The following AAGAB variants were observed in gnomAD, a reference collection of about 807,000 sequenced individuals.
The protein encoded by AAGAB is alpha and gamma adaptin binding protein, also known as alpha- and gamma-adaptin-binding protein p34.
Under a neutral mutation model 44.1 loss-of-function variants are expected in AAGAB, and 38 were observed. The observed-to-expected ratio is 0.86, with a 90% CI of 0.67 to 1.13. The LOEUF (loss-of-function observed/expected upper bound fraction) is 1.13, where lower values mean the gene tolerates loss of function less well. AAGAB is among the 50% of genes most tolerant of loss of function. AAGAB has a pLI of 0.00. For missense variants in AAGAB, 450 were observed against 373.8 expected (o/e 1.20, Z -1.68); for synonymous variants, 131 against 131.8 (o/e 0.99, Z 0.04).
intron 5 of AAGAB, among the ~76,000 whole-genome samples, chr15:67,228,699 C>T (rs1396404558): frequency 6.6e-6 from 1 of 152,120 alleles, no homozygotes; most frequent in Non-Finnish European, 1.5e-5. Flanking sequence ...GCACTATTCA[C>T]AATAGCAAAG....
intron 5 of AAGAB, among the ~76,000 whole-genome samples, chr15:67,224,646 T>C (rs1481307289): frequency 1.3e-5 from 2 of 150,734 alleles, no homozygotes; most frequent in Non-Finnish European, 3.0e-5. Context: ...AGTGGCGCGA[T>C]CTCAGCTCAC....
At chr15:67,216,990 A>AT (rs1963966476) in intron 5 of AAGAB, among the ~76,000 whole-genome samples, 1 of 151,862 alleles carries the variant, frequency 6.6e-6, no homozygotes, top group South Asian at 2.1e-4. Context: ...CTTATTCCTT[A>AT]TTTTTTTCCT....
intron 8 of AAGAB, among the ~76,000 whole-genome samples, 161 bp from the exon 9 acceptor site, chr15:67,203,758 G>A (rs1156992394): frequency 6.6e-6 from 1 of 152,176 alleles, no homozygotes; most frequent in Non-Finnish European, 1.5e-5. Context: ...TTTCCAGATG[G>A]GAATGATGTG....
chr15:67,216,352 G>C (rs1219644218), intron 5 of AAGAB, among the ~76,000 whole-genome samples: 1 of 137,918 alleles, frequency 7.3e-6, no homozygotes, highest in Non-Finnish European at 1.5e-5. Context: ...TGACGCAGGA[G>C]AACTGCTTGA....
chr15:67,237,947 TAAAGTTATGGGGAAATTATTTAGTCCA>T (rs1227148935), intron 1 of AAGAB, among the ~76,000 whole-genome samples: 5 of 152,174 alleles, frequency 3.3e-5, no homozygotes, highest in African/African-American at 4.8e-5. Context: ...TTGCTCAACA[TAAAGTTATGGGGAAATTATTTAGTCCA>T]AAAGACTGCT....
chr15:67,254,386 C>T, intron 1 of AAGAB, 173 bp downstream of exon 1: 2 of 1,400,124 alleles, frequency 1.4e-6, no homozygotes, highest in Non-Finnish European at 1.9e-6. Context: ...GGCAGAAAAG[C>T]ACGAGATTAA....
At chr15:67,237,401 C>T (rs1448970785) in intron 1 of AAGAB, among the ~76,000 whole-genome samples, 1 of 152,164 alleles carries the variant, frequency 6.6e-6, no homozygotes, top group Non-Finnish European at 1.5e-5. Flanking sequence ...CTTTGAAAGC[C>T]AACCTAAATT....
intron 1 of AAGAB, among the ~76,000 whole-genome samples, chr15:67,246,199 G>A (rs180821809): frequency 2.6e-5 from 4 of 152,172 alleles, no homozygotes; most frequent in East Asian, 3.9e-4. Context: ...TGAGCAACAC[G>A]GCAAAACCCC....
intron 5 of AAGAB, among the ~76,000 whole-genome samples, chr15:67,219,434 T>G (rs972799647): frequency 1.3e-5 from 2 of 152,036 alleles, no homozygotes; most frequent in Non-Finnish European, 2.9e-5. Flanking sequence ...AACGGTGGAT[T>G]AGACAAAGAA....
rs986400330 is a variant in AAGAB at position 67,202,358 on chromosome 15, C to T, written c.*463G>A. On this transcript the variant is annotated 3_prime_UTR_variant, in exon 10 of 10. Transcript: ENST00000261880. ...CAATTCTGCAGCTGCCTCCTTTCCT[C>T]CCAATAAAAGCATCATAGCTCAGAG... is the stretch of plus-strand genomic sequence containing the variant. The T allele has an allele frequency of 6.4e-6, 1 of 156,822 alleles. No individual in the cohort carries two copies. The highest frequency in any genetic ancestry group is 6.2e-5 in the Admixed American group (1 of 16,116). The allele number at this position is 156,822 out of a possible 1,614,324, so 9.7% of individuals were successfully genotyped here.
At chr15:67,250,324 G>A (rs953064644) in intron 1 of AAGAB, among the ~76,000 whole-genome samples, 2 of 152,032 alleles carry the variant, frequency 1.3e-5, no homozygotes, top group Non-Finnish European at 2.9e-5. Context: ...TTATAGGCAC[G>A]CACCACCGTG....
chr15:67,205,080 G>C (rs1393476688), intron 7 of AAGAB, among the ~76,000 whole-genome samples: 1 of 152,194 alleles, frequency 6.6e-6, no homozygotes, highest in African/African-American at 2.4e-5. Flanking sequence ...TTATTTTACA[G>C]AAGAGGAAAC....
chr15:67,202,628 C>T lies in AAGAB; in HGVS notation c.*193G>A. Reference sequence around the variant, plus strand: ...CATTACTATCACTGTATTCCTCACTCTCTTACAATATACTGAGGAAAAAAA... The same window carrying T: ...CATTACTATCACTGTATTCCTCACTTTCTTACAATATACTGAGGAAAAAAA... On this transcript the variant is annotated 3_prime_UTR_variant, in exon 10 of 10. Coordinates refer to ENST00000261880, the MANE Select transcript of AAGAB (RefSeq NM_024666.5). 1 of 586,680 alleles carries T rather than the reference C, an allele frequency of 1.7e-6. No homozygotes were observed. The highest frequency in any genetic ancestry group is 3.1e-6 in the Non-Finnish European group (1 of 327,296). 36.3% of individuals were successfully genotyped at this position (586,680 alleles called of 1,614,324 possible).
At chr15:67,235,586 C>T (rs577189653) in intron 4 of AAGAB, among the ~76,000 whole-genome samples, 1 of 152,086 alleles carries the variant, frequency 6.6e-6, no homozygotes, top group South Asian at 2.1e-4. Context: ...TTGAAATGTC[C>T]CCTGCGATTC....
At chr15:67,246,957 T>G (rs970075046) in intron 1 of AAGAB, among the ~76,000 whole-genome samples, 1 of 152,198 alleles carries the variant, frequency 6.6e-6, no homozygotes, top group Non-Finnish European at 1.5e-5. Context: ...GGAAGCTTTG[T>G]TCTTTTGCTC....
chr15:67,235,034 T>C (rs1467728643), intron 4 of AAGAB, among the ~76,000 whole-genome samples: 2 of 152,210 alleles, frequency 1.3e-5, no homozygotes, highest in Admixed American at 6.5e-5. Flanking sequence ...TGACTGCTTA[T>C]GTCTTATCTA....
intron 1 of AAGAB, 152 bp downstream of exon 1, chr15:67,254,407 C>G: frequency 7.0e-7 from 1 of 1,427,920 alleles, no homozygotes; most frequent in Non-Finnish European, 9.2e-7. Flanking sequence ...GAGATAGGGG[C>G]AGCCACCTGG....
rs1321026553 is a variant in AAGAB, at chr15:67,236,043, T to G, written c.387A>C (p.Glu129Asp). 1 of 1,613,170 alleles carries G rather than the reference T, an allele frequency of 6.2e-7. No individual in the cohort carries two copies. Among genetic ancestry groups the G allele is most frequent in the South Asian group, 1.1e-5 (1 of 90,924 alleles). ...EDGINRQKAQEWCIKHGFELV... is the reference protein window; with the variant it reads ...EDGINRQKAQDWCIKHGFELV... Reference sequence around the variant, plus strand: ...ATTCAAAGCCATGTTTGATGCACCATTCTTGAGCTTTTTGTCGGTTTATAC... The same window carrying G: ...ATTCAAAGCCATGTTTGATGCACCAGTCTTGAGCTTTTTGTCGGTTTATAC... The change falls in exon 4 of 10, where the codon GAA becomes GAC. Residue 129 changes from glutamate (E) to aspartate (D), a missense_variant. Coordinates refer to ENST00000261880, the MANE Select transcript of AAGAB (RefSeq NM_024666.5).
intron 7 of AAGAB, among the ~76,000 whole-genome samples, chr15:67,205,677 T>C (rs577832219): frequency 1.3e-5 from 2 of 152,290 alleles, no homozygotes; most frequent in South Asian, 2.1e-4. Flanking sequence ...CTGGAAAATA[T>C]CTACCCGATT....
Sources: gnomAD v4.1 joint callset for allele counts (sites outside exome capture counted in the v4.1 genomes callset) on GRCh38, gnomAD v4.1.1 for gene constraint, MANE v1.5 for transcripts, NCBI Gene and HGNC (gene_info 2026-07-23, HGNC 2026-07-21) for gene names.